The following GNA14 variants were observed in gnomAD, a reference collection of about 807,000 sequenced individuals.
The protein encoded by GNA14 is guanine nucleotide-binding protein subunit alpha-14.
Under a neutral mutation model 42.0 loss-of-function variants are expected in GNA14, and 50 were observed. The ratio of observed to expected loss-of-function variants is 1.19; its 90% CI spans 0.95 to 1.51. The LOEUF (loss-of-function observed/expected upper bound fraction) is 1.51, where lower values mean the gene tolerates loss of function less well. GNA14 is among the 40% of genes most tolerant of loss of function. The pLI, the probability that GNA14 is intolerant of heterozygous loss-of-function variation, is 0.00. For synonymous variants in GNA14, 173 were observed against 163.1 expected (o/e 1.06, Z -0.46); for missense variants, 473 against 446.2 (o/e 1.06, Z -0.54).
chr9:77,461,630 G>A lies in GNA14; in HGVS notation c.310-27108C>T, dbSNP rs1418862479. On this transcript the variant is annotated intron_variant, in intron 2 of 6. Transcript: ENST00000341700. ...GATCCTATATCATAAGGATCAATTA[G>A]GAAGTAAATCATCATGGATACAGTC... 2.0e-5 allele frequency among the ~76,000 whole-genome samples: 3 copies of A among 152,078 alleles called. No homozygotes were observed. The East Asian group carries it at 5.8e-4, about 29-fold the overall frequency.
Position 77,531,482 on chromosome 9 carries a change from C to T in GNA14, c.125-2229G>A, listed in dbSNP as rs72730892. On this transcript the variant is annotated intron_variant, in intron 1 of 6. Transcript: ENST00000341700. ...TCAGATTAGCTCTCTACTCCTGCAG[C>T]ATCTTGGAGTCCCTGCATGTGACTA... 6.7e-3 allele frequency among the ~76,000 whole-genome samples: 1,028 copies of T among 152,322 alleles called. 2 individuals are homozygous for T. Among genetic ancestry groups the T allele is most frequent in the Non-Finnish European group, 0.011 (726 of 68,032 alleles).
At chr9:77,424,442 C>T (rs552026754) in intron 6 of GNA14, among the ~76,000 whole-genome samples, 1 of 152,150 alleles carries the variant, frequency 6.6e-6, no homozygotes, top group Non-Finnish European at 1.5e-5. Flanking sequence ...AGACTGGTCT[C>T]GAACTCCTGA....
chr9:77,494,732 G>C (rs1664648297), intron 2 of GNA14, among the ~76,000 whole-genome samples: 1 of 152,204 alleles, frequency 6.6e-6, no homozygotes. Context: ...AAACCAATGA[G>C]AGAAGAAAGG....
chr9:77,581,998 A>T (rs1823232271), intron 1 of GNA14, among the ~76,000 whole-genome samples: 1 of 152,210 alleles, frequency 6.6e-6, no homozygotes, highest in South Asian at 2.1e-4. Flanking sequence ...ACTTCAGCTC[A>T]ATCCAGCTCC....
chr9:77,551,310 A>G (rs1837782731), intron 1 of GNA14, among the ~76,000 whole-genome samples: 1 of 152,058 alleles, frequency 6.6e-6, no homozygotes, highest in Non-Finnish European at 1.5e-5. Flanking sequence ...CTCATCTACT[A>G]ATGCTGACAA....
At chr9:77,526,483 G>C (rs1341526272) in intron 2 of GNA14, 2 of 152,264 alleles carry the variant, frequency 1.3e-5, no homozygotes, top group African/African-American at 4.8e-5. Flanking sequence ...CTAATCCAGC[G>C]ACTGGTGTCC....
chr9:77,531,193 C>G (rs535565886), intron 1 of GNA14, among the ~76,000 whole-genome samples: 2 of 152,262 alleles, frequency 1.3e-5, no homozygotes, highest in African/African-American at 4.8e-5. Context: ...AATGTGCCTG[C>G]TTTATAGAAA....
Position 77,622,989 on chromosome 9 carries a change from C to T in GNA14, c.124+24681G>A, listed in dbSNP as rs183366547. On this transcript the variant is annotated intron_variant, in intron 1 of 6. Coordinates refer to ENST00000341700, the MANE Select transcript of GNA14 (RefSeq NM_004297.4). ...CAGCACTTTGGGAGGCCAAGATGAG[C>T]GGATCACCTGAGGTCAGTAGTTTAA... Among the ~76,000 whole-genome samples, 635 of 149,856 alleles carry T rather than the reference C, an allele frequency of 4.2e-3. 1 individual carries two copies. The highest frequency in any genetic ancestry group is 6.6e-3 in the Non-Finnish European group (446 of 67,502).
intron 1 of GNA14, among the ~76,000 whole-genome samples, chr9:77,533,464 G>C (rs1275580649): frequency 6.6e-6 from 1 of 152,234 alleles, no homozygotes; most frequent in Non-Finnish European, 1.5e-5. Flanking sequence ...ACAGGCGTGA[G>C]CCACCATGGC....
At chr9:77,472,792 C>A (rs555375405) in intron 2 of GNA14, among the ~76,000 whole-genome samples, 2 of 148,382 alleles carry the variant, frequency 1.3e-5, no homozygotes, top group South Asian at 4.2e-4. Context: ...GACATGATCT[C>A]TCTCTCTCTC....
chr9:77,630,571 T>G (rs927683337), intron 1 of GNA14, among the ~76,000 whole-genome samples: 2 of 152,186 alleles, frequency 1.3e-5, no homozygotes, highest in South Asian at 2.1e-4. Context: ...ATGTAATAAT[T>G]TAATTAACTG....
intron 2 of GNA14, among the ~76,000 whole-genome samples, chr9:77,449,886 C>A (rs76747771): frequency 0.015 from 2,271 of 152,286 alleles, 23 homozygotes; most frequent in Non-Finnish European, 0.023. Context: ...TAGGCCCAGG[C>A]CTCCTTCTAG....
At chr9:77,427,431 A>G in intron 5 of GNA14, among the ~76,000 whole-genome samples, 1 of 152,230 alleles carries the variant, frequency 6.6e-6, no homozygotes, top group Non-Finnish European at 1.5e-5. Flanking sequence ...TAATTAGGTA[A>G]TATAAGCTAT....
At chr9:77,581,471 T>C (rs980752046) in intron 1 of GNA14, among the ~76,000 whole-genome samples, 3 of 152,190 alleles carry the variant, frequency 2.0e-5, no homozygotes, top group Non-Finnish European at 4.4e-5. Context: ...CGTGAGTCAA[T>C]GTACCTGGCA....
intron 1 of GNA14, among the ~76,000 whole-genome samples, chr9:77,610,173 G>T (rs1823707597): frequency 6.6e-6 from 1 of 151,902 alleles, no homozygotes; most frequent in Non-Finnish European, 1.5e-5. Context: ...CTGTTCTTTG[G>T]GTTCATTTAT....
At chr9:77,643,276 G>A (rs1824298019) in intron 1 of GNA14, among the ~76,000 whole-genome samples, 1 of 139,728 alleles carries the variant, frequency 7.2e-6, no homozygotes, top group Admixed American at 7.5e-5. Flanking sequence ...TTTCACTCTT[G>A]TCACCCAGGC....
intron 1 of GNA14, among the ~76,000 whole-genome samples, chr9:77,618,610 A>T (rs1307446917): frequency 0.014 from 183 of 12,632 alleles, 11 homozygotes; most frequent in Non-Finnish European, 0.02. Flanking sequence ...ATATATATAT[A>T]TATATATATA....
At chr9:77,454,229 G>C (rs1220471698) in intron 2 of GNA14, among the ~76,000 whole-genome samples, 1 of 152,156 alleles carries the variant, frequency 6.6e-6, no homozygotes, top group Non-Finnish European at 1.5e-5. Flanking sequence ...TCTTACAAAA[G>C]TGACTTCCCC....
rs562190204 is a variant in GNA14, at chr9:77,548,161, T to A, written c.125-18908A>T. 8.7e-4 allele frequency among the ~76,000 whole-genome samples: 132 copies of A among 152,334 alleles called. 1 individual carries two copies. Among genetic ancestry groups the A allele is most frequent in the Non-Finnish European group, 1.7e-3 (118 of 68,022 alleles). On this transcript the variant is annotated intron_variant, in intron 1 of 6. Transcript: ENST00000341700. ...GAAACACATCCTCTCACGGAGCTGC[T>A]GAGAGGGACTCTGCTCCATGCTCCT...
Sources: allele counts gnomAD v4.1 joint callset (sites outside exome capture counted in the v4.1 genomes callset), GRCh38; gene constraint gnomAD v4.1.1; transcripts MANE v1.5; gene names NCBI Gene and HGNC (gene_info 2026-07-23, HGNC 2026-07-21).